The following DAPK1 variants were observed in gnomAD, a reference collection of about 807,000 sequenced individuals.
DAPK1 encodes death associated protein kinase 1.
In DAPK1, 56 loss-of-function variants were observed where a neutral mutation model predicts 144.9. The observed-to-expected ratio is 0.39, with a 90% confidence interval of 0.31 to 0.48. The LOEUF (loss-of-function observed/expected upper bound fraction) is 0.48, where lower values mean the gene tolerates loss of function less well. Among genes scored for constraint, DAPK1 ranks in the 20% least tolerant of loss-of-function variants. The probability of loss-of-function intolerance (pLI) is 0.95; values close to 1 mark genes in which losing one functional copy is unlikely to be tolerated. For missense variants in DAPK1, 1,454 were observed against 1,875.4 expected, an observed-to-expected ratio of 0.78 and a Z score of 4.15; for synonymous variants, 690 against 749.0, an observed-to-expected ratio of 0.92 and a Z score of 1.29.
intron 2 of DAPK1, among the ~76,000 whole-genome samples, chr9:87,499,585 A>G (rs533894299): frequency 6.6e-6 from 1 of 152,320 alleles, no homozygotes; most frequent in South Asian, 2.1e-4. Context: ...TTGAGCAAGT[A>G]TTGGTAGGTG....
At chr9:87,667,594 G>A (rs536258228) in intron 18 of DAPK1, among the ~76,000 whole-genome samples, 3 of 152,128 alleles carry the variant, frequency 2.0e-5, no homozygotes, top group Non-Finnish European at 4.4e-5. Context: ...GGAGTGACTT[G>A]GGTTGAGGAA....
rs544779194 is a variant in DAPK1, at chr9:87,699,848, C to T, written c.2751-269C>T. On this transcript the variant is annotated intron_variant, in intron 23 of 25. Transcript: ENST00000408954. ...CCTTTCCTGCCTCGGGAGAAGCTGA[C>T]ATCTTTCCATGCTGTGCTCCTGCTG... Among the ~76,000 whole-genome samples, 82 of 152,292 alleles carry T rather than the reference C, an allele frequency of 5.4e-4. No homozygotes were observed. In the Middle Eastern group the frequency reaches 0.01, roughly 19 times the overall value.
chr9:87,510,241 G>A (rs1824785852), intron 2 of DAPK1, among the ~76,000 whole-genome samples: 1 of 152,284 alleles, frequency 6.6e-6, no homozygotes, highest in East Asian at 1.9e-4. Flanking sequence ...CCATGGAGAA[G>A]CAGGAAGTCC....
intron 25 of DAPK1, among the ~76,000 whole-genome samples, chr9:87,705,330 C>T (rs1447906338): frequency 1.3e-5 from 2 of 151,200 alleles, no homozygotes; most frequent in Non-Finnish European, 2.9e-5. Context: ...CAGCCTCCGC[C>T]TCCTGGGTTC....
In DAPK1 at chr9:87,706,299, C is replaced by T. The variant is rs753318665; in HGVS notation, c.3228C>T (p.Ser1076=). ...ACATCCAGCGCCTGGTGCCCGACAG[C>T]GACGTGGAGGAGCTGCTGCAGATCC... ...VEDIQRLVPD[S]DVEELLQILD... is the part of the protein sequence containing the mutation. The change falls in exon 26 of 26, where the codon AGC becomes AGT. Residue 1076 remains serine (S), a synonymous_variant. Coordinates refer to ENST00000408954, the MANE Select transcript of DAPK1 (RefSeq NM_004938.4). This position sits in a 1 kb window ranked among gnomAD's most constrained non-coding sequence, Gnocchi z 9.0. The T allele has an allele frequency of 2.7e-5, 44 of 1,610,780 alleles. No individual in the cohort carries two copies. Among genetic ancestry groups the T allele is most frequent in the African/African-American group, 4.0e-5 (3 of 74,868 alleles).
At chr9:87,512,819 T>C (rs1202441474) in intron 2 of DAPK1, among the ~76,000 whole-genome samples, 1 of 152,060 alleles carries the variant, frequency 6.6e-6, no homozygotes, top group East Asian at 1.9e-4. Context: ...TTTTGTATTT[T>C]TAGTAGACAC....
At chr9:87,548,353 C>A (rs1826340376) in intron 2 of DAPK1, among the ~76,000 whole-genome samples, 1 of 152,174 alleles carries the variant, frequency 6.6e-6, no homozygotes, top group Non-Finnish European at 1.5e-5. Flanking sequence ...GAACACTGAA[C>A]CTCAGTATCA....
chr9:87,655,018 G>T (rs909460303), intron 17 of DAPK1, among the ~76,000 whole-genome samples: 2 of 152,180 alleles, frequency 1.3e-5, no homozygotes, highest in African/African-American at 2.4e-5. Context: ...ATATCTATAA[G>T]TAAAGTCGAT....
intron 2 of DAPK1, among the ~76,000 whole-genome samples, chr9:87,540,147 ATTG>A (rs1825994158): frequency 6.7e-6 from 1 of 148,604 alleles, no homozygotes; most frequent in East Asian, 2.0e-4. Context: ...TATTGTTATA[ATTG>A]TTGTATTTAT....
At chr9:87,619,254 A>G (rs1829207422) in intron 3 of DAPK1, among the ~76,000 whole-genome samples, 1 of 152,192 alleles carries the variant, frequency 6.6e-6, no homozygotes, top group Non-Finnish European at 1.5e-5. Context: ...ATTATAGCAC[A>G]TACTGTACTG....
At chr9:87,522,066 G>C (rs954783818) in intron 2 of DAPK1, among the ~76,000 whole-genome samples, 1 of 152,190 alleles carries the variant, frequency 6.6e-6, no homozygotes, top group Admixed American at 6.5e-5. Flanking sequence ...CCAGCGCCAT[G>C]CTCTTAGACT....
At chr9:87,662,569 T>TTTTTTG (rs1554700257) in intron 18 of DAPK1, among the ~76,000 whole-genome samples, 1 of 133,806 alleles carries the variant, frequency 7.5e-6, no homozygotes, top group African/African-American at 2.8e-5. Context: ...AGTTTTTTTT[T>TTTTTTG]TTTTTTTTTT....
At position 87,642,075 on chromosome 9, in the gene DAPK1, T is replaced by A. The variant is rs1210953096; in HGVS notation, c.918+17T>A. The A allele has an allele frequency of 1.2e-6, 2 of 1,608,094 alleles. No individual in the cohort carries two copies. Among genetic ancestry groups the A allele is most frequent in the Non-Finnish European group, 1.7e-6 (2 of 1,174,716 alleles). On this transcript the variant is annotated intron_variant, in intron 10 of 25. Transcript: ENST00000408954. ...AAATGGAAAGTAAGATTGTTTGTTG[T>A]GGAGGGATTAACAAATTCTGTTTCC...
chr9:87,624,890 A>G (rs1168007553), intron 3 of DAPK1, among the ~76,000 whole-genome samples: 1 of 152,218 alleles, frequency 6.6e-6, no homozygotes, highest in Non-Finnish European at 1.5e-5. Context: ...CCCAGGGAGC[A>G]TGTGATAACC....
intron 2 of DAPK1, among the ~76,000 whole-genome samples, chr9:87,595,392 T>C (rs941264333): frequency 1.3e-5 from 2 of 152,152 alleles, no homozygotes; most frequent in Non-Finnish European, 2.9e-5. Flanking sequence ...CTTTGGGAAA[T>C]ATTCTTCCAG....
intron 3 of DAPK1, among the ~76,000 whole-genome samples, chr9:87,610,572 G>T (rs1387006816): frequency 1.3e-5 from 2 of 152,242 alleles, no homozygotes; most frequent in South Asian, 2.1e-4. Context: ...TTGGTCTGTG[G>T]ATAGTTATGC....
chr9:87,552,305 C>T lies in DAPK1; in HGVS notation c.63-52649C>T, dbSNP rs186516334. ...GTACCTAGGACTTCAGTCCCAACCC[C>T]GCTGACCCCATCTTAAAGAGGACAA... is the stretch of plus-strand genomic sequence containing the variant. On this transcript the variant is annotated intron_variant, in intron 2 of 25. Coordinates refer to ENST00000408954, the MANE Select transcript of DAPK1 (RefSeq NM_004938.4). Among the ~76,000 whole-genome samples, 350 of 128,684 alleles carry T rather than the reference C, an allele frequency of 2.7e-3. 1 individual carries two copies. Among genetic ancestry groups the T allele is most frequent in the African/African-American group, 8.9e-3 (334 of 37,404 alleles). The allele number at this position is 128,684 out of a possible 152,430, so 84.4% of individuals were successfully genotyped here. A position where few individuals can be genotyped will look rare whatever the true frequency, so the allele number is the denominator to read the frequency against.
At chr9:87,683,018 A>G (rs1824697896) in intron 20 of DAPK1, among the ~76,000 whole-genome samples, 1 of 152,128 alleles carries the variant, frequency 6.6e-6, no homozygotes, top group Non-Finnish European at 1.5e-5. Context: ...TTAAAAGTAG[A>G]TAATGGAAAA....
chr9:87,671,494 A>C (rs1016193687), intron 19 of DAPK1, among the ~76,000 whole-genome samples: 2 of 141,878 alleles, frequency 1.4e-5, no homozygotes, highest in African/African-American at 2.5e-5. Context: ...AAGAATAGTC[A>C]CCTTTTTTTT....
Sources: gnomAD v4.1 joint callset for allele counts (sites outside exome capture counted in the v4.1 genomes callset) on GRCh38, gnomAD v4.1.1 for gene constraint, Gnocchi (gnomAD v3.1) non-coding constraint, MANE v1.5 for transcripts, NCBI Gene and HGNC (gene_info 2026-07-23, HGNC 2026-07-21) for gene names.